The following MLIP variants were observed in gnomAD, a reference collection of about 807,000 sequenced individuals.
MLIP encodes muscular LMNA-interacting protein.
MLIP carries 79 observed loss-of-function variants against 84.8 expected under a neutral mutation model. The observed-to-expected ratio is 0.93, with a 90% CI of 0.78 to 1.12. The LOEUF (loss-of-function observed/expected upper bound fraction) is 1.12, where lower values mean the gene tolerates loss of function less well. MLIP is among the 50% of genes most tolerant of loss of function. The pLI is 0.00. For missense variants in MLIP, 1,257 were observed against 1,160.6 expected, an observed-to-expected ratio of 1.08 and a Z score of -1.21; for synonymous variants, 504 against 463.0, an observed-to-expected ratio of 1.09 and a Z score of -1.14.
In MLIP at chr6:54,261,645, G is replaced by C. The variant is rs79785316; in HGVS notation, c.2976+4284G>C. The C allele has an allele frequency of 8.2e-4, 810 of 984,324 alleles. 8 individuals are homozygous for C. The African/African-American group carries it at 0.011, about 14-fold the overall frequency. 61.0% of individuals were successfully genotyped at this position (984,324 alleles called of 1,614,324 possible). The stretch of plus-strand genomic sequence containing the variant: ...TATTTTGAATTTCAGAACCTCCACT[G>C]ATGTCTAAGGTTCTAAGAGTATAAA... On this transcript the variant is annotated intron_variant, in intron 13 of 13. Transcript: ENST00000502396.
chr6:54,101,246 A>G (rs979888594), intron 1 of MLIP, among the ~76,000 whole-genome samples: 1 of 151,896 alleles, frequency 6.6e-6, no homozygotes, highest in Non-Finnish European at 1.5e-5. Context: ...TTAAGGGGGG[A>G]AAAAGGAGGA....
chr6:54,200,371 G>A (rs905703381), intron 10 of MLIP, among the ~76,000 whole-genome samples: 4 of 74,778 alleles, frequency 5.3e-5, no homozygotes, highest in Non-Finnish European at 1.0e-4. Flanking sequence ...GTACCATGTT[G>A]GTTTTACAGC....
chr6:54,059,964 C>A (rs909506223), intron 1 of MLIP, among the ~76,000 whole-genome samples: 23 of 152,254 alleles, frequency 1.5e-4, no homozygotes, highest in Admixed American at 6.5e-4. Context: ...TTTCATTCAG[C>A]ATAGGCATGT....
rs115790431 is a variant in MLIP at position 54,196,418 on chromosome 6, T to C, written c.2590-5687T>C. On this transcript the variant is annotated intron_variant, in intron 10 of 13. Coordinates refer to ENST00000502396, the MANE Select transcript of MLIP (RefSeq NM_001281747.2). ...GTTCTCTTTGTTCGGCCCCCACTTA[T>C]AGTGAGAACATGCAGTGTTGGGTTT... Among the ~76,000 whole-genome samples, 363 of 152,144 alleles carry C rather than the reference T, an allele frequency of 2.4e-3. 1 individual carries two copies. Among genetic ancestry groups the C allele is most frequent in the African/African-American group, 8.0e-3 (334 of 41,526 alleles).
intron 1 of MLIP, among the ~76,000 whole-genome samples, chr6:54,071,778 T>A (rs919012674): frequency 1.3e-5 from 2 of 152,144 alleles, no homozygotes; most frequent in Non-Finnish European, 2.9e-5. Flanking sequence ...ACTGCTCCTA[T>A]AAAATTCATA....
At chr6:54,210,875 T>TA (rs1309881533) in intron 11 of MLIP, among the ~76,000 whole-genome samples, 3 of 152,088 alleles carry the variant, frequency 2.0e-5, no homozygotes, top group African/African-American at 7.2e-5. Context: ...CTCTTGAAAA[T>TA]AAAAAACTAC....
intron 1 of MLIP, among the ~76,000 whole-genome samples, chr6:54,035,862 A>T (rs1454189078): frequency 1.3e-5 from 2 of 151,984 alleles, no homozygotes; most frequent in Admixed American, 1.3e-4. Flanking sequence ...AATATATTCT[A>T]GATGCATGTT....
intron 4 of MLIP, among the ~76,000 whole-genome samples, chr6:54,140,051 A>AT (rs1203778197): frequency 6.6e-6 from 1 of 152,136 alleles, no homozygotes; most frequent in Non-Finnish European, 1.5e-5. Flanking sequence ...TGTTTATTAT[A>AT]TTTTAAATAC....
intron 1 of MLIP, among the ~76,000 whole-genome samples, chr6:54,019,838 A>C (rs1041152625): frequency 6.6e-6 from 1 of 152,212 alleles, no homozygotes; most frequent in Admixed American, 6.5e-5. Context: ...ATTGTTCTAG[A>C]TGTATGAAGT....
chr6:54,095,824 T>C (rs552482380), intron 1 of MLIP, among the ~76,000 whole-genome samples: 3 of 152,304 alleles, frequency 2.0e-5, no homozygotes, highest in Non-Finnish European at 4.4e-5. Flanking sequence ...TGTTTGTTCA[T>C]GAATTTGCTT....
chr6:54,158,950 T>A (rs1774334770), intron 5 of MLIP, among the ~76,000 whole-genome samples: 1 of 152,128 alleles, frequency 6.6e-6, no homozygotes, highest in Non-Finnish European at 1.5e-5. Flanking sequence ...TCTTACTCTG[T>A]TGCCCAGGCT....
chr6:54,215,050 G>C (rs980257144), intron 11 of MLIP: 3 of 860,012 alleles, frequency 3.5e-6, no homozygotes, highest in Non-Finnish European at 5.5e-6. Flanking sequence ...TCAATATTCT[G>C]GACCCTGGTC....
Position 54,266,028 on chromosome 6 carries a change from T to C in MLIP, c.*73T>C. The C allele has an allele frequency of 6.6e-7, 1 of 1,504,066 alleles. No individual in the cohort carries two copies. The highest frequency in any genetic ancestry group is 9.1e-7 in the Non-Finnish European group (1 of 1,103,384). 93.2% of individuals were successfully genotyped at this position (1,504,066 alleles called of 1,614,324 possible). A position where few individuals can be genotyped will look rare whatever the true frequency, so the allele number is the denominator to read the frequency against. ...GCTGGTGCTAACCACTTGCTAGATT[T>C]AACTTTTTTTTTTTTTTCCAGAATG... On this transcript the variant is annotated 3_prime_UTR_variant, in exon 14 of 14. Coordinates refer to ENST00000502396, the MANE Select transcript of MLIP (RefSeq NM_001281747.2).
At chr6:54,234,885 C>T (rs1164605694) in intron 12 of MLIP, among the ~76,000 whole-genome samples, 1 of 152,188 alleles carries the variant, frequency 6.6e-6, no homozygotes, top group Non-Finnish European at 1.5e-5. Context: ...GCTATTTACC[C>T]ACTCACAGGC....
chr6:54,230,335 A>G (rs1780899333), intron 11 of MLIP, among the ~76,000 whole-genome samples: 1 of 152,132 alleles, frequency 6.6e-6, no homozygotes, highest in African/African-American at 2.4e-5. Flanking sequence ...GCATCTTTAA[A>G]TTAATTTCCA....
At chr6:54,081,894 A>T (rs1469552491) in intron 1 of MLIP, among the ~76,000 whole-genome samples, 5 of 152,068 alleles carry the variant, frequency 3.3e-5, no homozygotes, top group African/African-American at 1.2e-4. Flanking sequence ...ATTTGTTTTT[A>T]AAAATATTTC....
chr6:54,049,334 A>C (rs753721999), intron 1 of MLIP, among the ~76,000 whole-genome samples: 1 of 152,196 alleles, frequency 6.6e-6, no homozygotes, highest in Non-Finnish European at 1.5e-5. Flanking sequence ...ATAGCTGCAT[A>C]ATCTTTTTGT....
intron 12 of MLIP, among the ~76,000 whole-genome samples, chr6:54,245,709 T>G (rs1782032266): frequency 6.6e-6 from 1 of 152,194 alleles, no homozygotes. Context: ...CACATGAAAC[T>G]GCCATTATTC....
intron 9 of MLIP, among the ~76,000 whole-genome samples, chr6:54,176,624 G>A (rs890893597): frequency 1.3e-5 from 2 of 151,676 alleles, no homozygotes; most frequent in African/African-American, 4.8e-5. Flanking sequence ...TGGCCATACT[G>A]CCCAAAGTAA....
Sources: gnomAD v4.1 joint callset for allele counts (sites outside exome capture counted in the v4.1 genomes callset) on GRCh38, gnomAD v4.1.1 for gene constraint, MANE v1.5 for transcripts, NCBI Gene and HGNC (gene_info 2026-07-23, HGNC 2026-07-21) for gene names.